The following COL25A1 variants were observed in gnomAD, a reference collection of about 807,000 sequenced individuals.
The protein encoded by COL25A1 is collagen type XXV alpha 1 chain.
Under a neutral mutation model 128.4 loss-of-function variants are expected in COL25A1, and 103 were observed. That is an observed-to-expected ratio of 0.80 (90% CI 0.68 to 0.94). The LOEUF is 0.94. Among genes scored for constraint, COL25A1 ranks in the 40% least tolerant of loss-of-function variants. The probability of loss-of-function intolerance (pLI) is 0.00; values close to 1 mark genes in which losing one functional copy is unlikely to be tolerated. For synonymous variants in COL25A1, 279 were observed against 277.2 expected (o/e 1.01, Z -0.06); for missense variants, 745 against 840.0 (o/e 0.89, Z 1.40).
intron 3 of COL25A1, among the ~76,000 whole-genome samples, chr4:109,226,355 G>A (rs1778805175): frequency 6.6e-6 from 1 of 151,942 alleles, no homozygotes; most frequent in East Asian, 1.9e-4. Context: ...AACTGCACTT[G>A]TACCCTATTT....
chr4:109,131,838 G>T (rs1769240846), intron 3 of COL25A1, among the ~76,000 whole-genome samples: 1 of 152,150 alleles, frequency 6.6e-6, no homozygotes, highest in Admixed American at 6.5e-5. Flanking sequence ...GTGCCAAGAA[G>T]GATAAGCATG....
At chr4:109,011,443 G>C (rs1756579473) in intron 5 of COL25A1, among the ~76,000 whole-genome samples, 1 of 152,192 alleles carries the variant, frequency 6.6e-6, no homozygotes, top group Non-Finnish European at 1.5e-5. Context: ...AAACTAGGAA[G>C]GGGAGCCAAA....
At position 109,290,798 on chromosome 4, in the gene COL25A1, A is replaced by G. The variant is rs1206361613; in HGVS notation, c.367+9785T>C. ...CAAAAAGACTCATAATGTTTTAAGAAAGTTTACGAATTTGTGTTGGACTAC... is the reference window on the plus strand; with the variant it reads ...CAAAAAGACTCATAATGTTTTAAGAGAGTTTACGAATTTGTGTTGGACTAC... On this transcript the variant is annotated intron_variant, in intron 3 of 37. Transcript: ENST00000399132. Among the ~76,000 whole-genome samples, 5 of 152,198 alleles carry G rather than the reference A, an allele frequency of 3.3e-5. No individual in the cohort carries two copies. In the East Asian group the frequency reaches 7.7e-4, roughly 24 times the overall value.
chr4:109,215,994 A>G (rs1578464038), intron 3 of COL25A1, among the ~76,000 whole-genome samples: 1 of 152,192 alleles, frequency 6.6e-6, no homozygotes, highest in Non-Finnish European at 1.5e-5. Context: ...GCTTGCACTG[A>G]CCATCCAGTC....
chr4:108,881,208 A>G (rs1188693832), intron 19 of COL25A1, among the ~76,000 whole-genome samples: 1 of 152,180 alleles, frequency 6.6e-6, no homozygotes, highest in African/African-American at 2.4e-5. Flanking sequence ...AGGTATTAGC[A>G]CTTTTCTCTG....
intron 6 of COL25A1, among the ~76,000 whole-genome samples, chr4:108,992,705 C>T (rs1025152): frequency 1.3e-5 from 2 of 152,072 alleles, no homozygotes; most frequent in Admixed American, 6.5e-5. Context: ...ACCATGTGGA[C>T]GCAAGTTATT....
intron 3 of COL25A1, among the ~76,000 whole-genome samples, chr4:109,113,045 T>A (rs551023226): frequency 1.3e-4 from 20 of 152,104 alleles, no homozygotes; most frequent in South Asian, 8.3e-4. Flanking sequence ...ATAGGTTTAG[T>A]TCTTCAATTT....
chr4:108,972,497 A>G (rs1439592206), intron 8 of COL25A1, among the ~76,000 whole-genome samples: 3 of 152,148 alleles, frequency 2.0e-5, no homozygotes, highest in East Asian at 3.9e-4. Context: ...AAATTCTAAG[A>G]GCACTGAATG....
intron 6 of COL25A1, among the ~76,000 whole-genome samples, chr4:108,984,436 C>T (rs919640386): frequency 2.0e-5 from 3 of 151,666 alleles, no homozygotes; most frequent in Admixed American, 6.6e-5. Context: ...CGCCCTAGAG[C>T]GGGGGCGGCG....
intron 3 of COL25A1, among the ~76,000 whole-genome samples, chr4:109,296,152 T>C (rs1724960196): frequency 6.6e-6 from 1 of 152,098 alleles, no homozygotes; most frequent in Admixed American, 6.6e-5. Context: ...ATGGGGTAAG[T>C]ATACCAGGTA....
chr4:109,038,289 T>C (rs1489453401), intron 5 of COL25A1, among the ~76,000 whole-genome samples: 2 of 152,180 alleles, frequency 1.3e-5, no homozygotes, highest in African/African-American at 4.8e-5. Flanking sequence ...ATCCAATCAT[T>C]TGAAGGCCTT....
chr4:108,985,462 G>T (rs1323968689), intron 6 of COL25A1, among the ~76,000 whole-genome samples: 1 of 152,180 alleles, frequency 6.6e-6, no homozygotes, highest in Non-Finnish European at 1.5e-5. Context: ...AAAGGAAGTT[G>T]AATTGCAGGA....
intron 3 of COL25A1, among the ~76,000 whole-genome samples, chr4:109,174,205 A>T (rs1385208221): frequency 6.6e-6 from 1 of 152,146 alleles, no homozygotes; most frequent in African/African-American, 2.4e-5. Context: ...AAAAACATTA[A>T]AAGTCTGTGA....
intron 6 of COL25A1, among the ~76,000 whole-genome samples, chr4:108,996,373 C>T (rs1560994465): frequency 1.3e-5 from 2 of 150,050 alleles, no homozygotes; most frequent in Admixed American, 6.7e-5. Flanking sequence ...TCAAAAGAGA[C>T]AAGGCCATTA....
chr4:109,239,153 G>A (rs1223110153), intron 3 of COL25A1, among the ~76,000 whole-genome samples: 1 of 151,754 alleles, frequency 6.6e-6, no homozygotes, highest in Non-Finnish European at 1.5e-5. Context: ...TAATGATGGG[G>A]ATACATTCTG....
At chr4:108,877,856 T>C (rs1354106715) in intron 19 of COL25A1, among the ~76,000 whole-genome samples, 1 of 152,228 alleles carries the variant, frequency 6.6e-6, no homozygotes, top group Non-Finnish European at 1.5e-5. Flanking sequence ...AAATCTTGAC[T>C]GACTTTTCTT....
chr4:108,941,714 A>G (rs1377569391), intron 8 of COL25A1, among the ~76,000 whole-genome samples: 1 of 152,160 alleles, frequency 6.6e-6, no homozygotes, highest in Non-Finnish European at 1.5e-5. Flanking sequence ...TTTTTAATGT[A>G]GTTTATTCCC....
intron 13 of COL25A1, among the ~76,000 whole-genome samples, chr4:108,908,144 C>T (rs891720930): frequency 6.6e-6 from 1 of 152,210 alleles, no homozygotes; most frequent in Non-Finnish European, 1.5e-5. Flanking sequence ...CCTGCTCAAG[C>T]CTTGCATCTA....
intron 3 of COL25A1, among the ~76,000 whole-genome samples, chr4:109,055,408 C>A (rs1761367158): frequency 6.6e-6 from 1 of 152,232 alleles, no homozygotes; most frequent in African/African-American, 2.4e-5. Context: ...CACGTTTCTG[C>A]AAATGTAAAA....
Sources: gnomAD v4.1 joint callset for allele counts (sites outside exome capture counted in the v4.1 genomes callset) on GRCh38, gnomAD v4.1.1 for gene constraint, MANE v1.5 for transcripts, NCBI Gene and HGNC (gene_info 2026-07-23, HGNC 2026-07-21) for gene names.